The following RPH3A variants were observed in gnomAD, a reference collection of about 807,000 sequenced individuals.
The protein encoded by RPH3A is rabphilin-3A.
In RPH3A, 48 loss-of-function variants were observed where a neutral mutation model predicts 102.2. The ratio of observed to expected loss-of-function variants is 0.47; its 90% CI spans 0.37 to 0.60. The LOEUF is 0.60. Ranked by LOEUF, RPH3A falls within the 20% of genes least tolerant of loss-of-function variation. RPH3A has a pLI of 0.00. For synonymous variants in RPH3A, 310 were observed against 324.3 expected (o/e 0.96, Z 0.47); for missense variants, 781 against 910.1 (o/e 0.86, Z 1.83).
intron 1 of RPH3A, among the ~76,000 whole-genome samples, chr12:112,680,633 C>T (rs1003364481): frequency 3.9e-5 from 6 of 152,154 alleles, no homozygotes; most frequent in African/African-American, 1.4e-4. Flanking sequence ...ACTCCACTGG[C>T]CCTGCCCATT....
rs989908195 is a variant in RPH3A at position 112,725,272 on chromosome 12, A to C, written c.-139-66871A>C. ...TCAGAAAAAAAAAAAAAAAAAAAAA[A>C]AAAAAAACACGTTTTAATGAATAAA... On this transcript the variant is annotated intron_variant, in intron 1 of 21. Transcript: ENST00000543106. 9.8e-4 allele frequency among the ~76,000 whole-genome samples: 148 copies of C among 151,340 alleles called. 2 individuals carry two copies. The highest frequency in any genetic ancestry group is 2.9e-3 in the African/African-American group (120 of 41,204).
intron 1 of RPH3A, among the ~76,000 whole-genome samples, chr12:112,600,679 C>CT (rs578183888): frequency 1.3e-5 from 2 of 152,308 alleles, no homozygotes; most frequent in East Asian, 3.9e-4. Context: ...CGTCTTCCTT[C>CT]TTTTTTTGAA....
chr12:112,695,383 A>G (rs1471220663), intron 1 of RPH3A, among the ~76,000 whole-genome samples: 3 of 152,264 alleles, frequency 2.0e-5, no homozygotes, highest in Admixed American at 6.5e-5. Flanking sequence ...TGTTTATTCC[A>G]GAGTAAGCAC....
intron 1 of RPH3A, among the ~76,000 whole-genome samples, chr12:112,670,473 G>A (rs1017818169): frequency 6.6e-6 from 1 of 152,210 alleles, no homozygotes; most frequent in African/African-American, 2.4e-5. Context: ...CACAAAATAA[G>A]AGGGTATATA....
At chr12:112,857,860 A>T (rs772755848) in intron 5 of RPH3A, among the ~76,000 whole-genome samples, 2,487 of 152,272 alleles carry the variant, frequency 0.016, 29 homozygotes, top group Non-Finnish European at 0.025. Context: ...GCTCAGCTCC[A>T]TGTGTACAGA....
At chr12:112,600,535 C>T (rs929705648) in intron 1 of RPH3A, among the ~76,000 whole-genome samples, 17 of 152,142 alleles carry the variant, frequency 1.1e-4, no homozygotes, top group African/African-American at 1.9e-4. Context: ...TTTCCTCAAC[C>T]GTAAAATGGG....
Position 112,865,552 on chromosome 12 carries a change from A to G in RPH3A, c.360+9A>G. On this transcript the variant is annotated intron_variant, in intron 6 of 21. Transcript: ENST00000389385. ...GTGAGGACTGTAAGAAGGTATCATCATCCTCTTCTCCCTTCTTCCCTGTGC... is the reference window on the plus strand; with the variant it reads ...GTGAGGACTGTAAGAAGGTATCATCGTCCTCTTCTCCCTTCTTCCCTGTGC... 6.2e-7 allele frequency: 1 copy of G among 1,612,560 alleles called. No homozygotes were observed. The highest frequency in any genetic ancestry group is 8.5e-7 in the Non-Finnish European group (1 of 1,179,624).
At chr12:112,624,334 G>T (rs1453850953) in intron 1 of RPH3A, among the ~76,000 whole-genome samples, 2 of 151,234 alleles carry the variant, frequency 1.3e-5, no homozygotes, top group Non-Finnish European at 2.9e-5. Flanking sequence ...AAGAAAAAAA[G>T]AAGAATCAAA....
At chr12:112,764,721 C>T (rs927671726) in intron 1 of RPH3A, among the ~76,000 whole-genome samples, 3 of 151,990 alleles carry the variant, frequency 2.0e-5, no homozygotes, top group African/African-American at 7.3e-5. Flanking sequence ...GGCTATATCT[C>T]GACAGTTTCA....
At chr12:112,859,429 G>C (rs1593092789) in intron 5 of RPH3A, among the ~76,000 whole-genome samples, 1 of 152,162 alleles carries the variant, frequency 6.6e-6, no homozygotes, top group East Asian at 1.9e-4. Flanking sequence ...AAAGTATAGA[G>C]GAGTCCAGCT....
intron 1 of RPH3A, among the ~76,000 whole-genome samples, chr12:112,694,875 A>T (rs796873548): frequency 6.6e-6 from 1 of 152,208 alleles, no homozygotes; most frequent in African/African-American, 2.4e-5. Flanking sequence ...TAAGTGAGGA[A>T]AAGTCTCTAA....
chr12:112,854,198 G>A (rs2042371826), intron 5 of RPH3A, among the ~76,000 whole-genome samples: 1 of 152,212 alleles, frequency 6.6e-6, no homozygotes, highest in Non-Finnish European at 1.5e-5. Flanking sequence ...CTACCCAGTT[G>A]CAACAACTAA....
At chr12:112,746,485 C>T (rs1428163839) in intron 1 of RPH3A, among the ~76,000 whole-genome samples, 1 of 152,108 alleles carries the variant, frequency 6.6e-6, no homozygotes, top group Non-Finnish European at 1.5e-5. Flanking sequence ...ACAAACCTCA[C>T]CGAGATCTCA....
chr12:112,663,059 G>GGTGTGTGTGTGTGTGTGTGTGT (rs60392620), intron 1 of RPH3A, among the ~76,000 whole-genome samples: 100 of 141,244 alleles, frequency 7.1e-4, no homozygotes, highest in African/African-American at 2.5e-3. Flanking sequence ...CTAAGTGATT[G>GGTGTGTGTGTGTGTGTGTGTGT]GTGTGTGTGT....
intron 1 of RPH3A, among the ~76,000 whole-genome samples, chr12:112,644,095 G>A (rs747062117): frequency 1.1e-4 from 16 of 152,172 alleles, no homozygotes; most frequent in Admixed American, 3.3e-4. Context: ...GCTAAATAAT[G>A]TGCACACATG....
intron 5 of RPH3A, among the ~76,000 whole-genome samples, chr12:112,850,572 C>G (rs1311899328): frequency 2.0e-5 from 3 of 152,218 alleles, no homozygotes; most frequent in Non-Finnish European, 4.4e-5. Flanking sequence ...AAGATTCTGG[C>G]TGTGGTTGTT....
intron 2 of RPH3A, among the ~76,000 whole-genome samples, chr12:112,826,639 C>T (rs1226989432): frequency 6.6e-6 from 1 of 152,184 alleles, no homozygotes; most frequent in Non-Finnish European, 1.5e-5. Flanking sequence ...CTGTCACTAC[C>T]AAATAGCTTT....
At chr12:112,865,198 G>A (rs553443869) in intron 5 of RPH3A, among the ~76,000 whole-genome samples, 1 of 152,312 alleles carries the variant, frequency 6.6e-6, no homozygotes, top group Non-Finnish European at 1.5e-5. Flanking sequence ...GAATAGATGG[G>A]ACTTTGAGGG....
At chr12:112,891,049 G>T (rs768922880) in intron 19 of RPH3A, 46 bp downstream of exon 19, 4 of 1,604,046 alleles carry the variant, frequency 2.5e-6, no homozygotes, top group Non-Finnish European at 3.4e-6. Flanking sequence ...AAGGAGTCCT[G>T]GAGCCTTGGA....
Sources: gnomAD v4.1 joint callset for allele counts (sites outside exome capture counted in the v4.1 genomes callset) on GRCh38, gnomAD v4.1.1 for gene constraint, MANE v1.5 for transcripts, NCBI Gene and HGNC (gene_info 2026-07-23, HGNC 2026-07-21) for gene names.